ERC2: variants seen among roughly 807,000 people sequenced by gnomAD.
The protein encoded by ERC2 is ELKS/RAB6-interacting/CAST family member 2.
In ERC2, 42 loss-of-function variants were observed where a neutral mutation model predicts 114.8. The ratio of observed to expected loss-of-function variants is 0.37; its 90% CI spans 0.29 to 0.47. The LOEUF is 0.47. ERC2 is among the 20% of genes least tolerant of loss of function. ERC2 has a pLI of 0.99. For missense variants in ERC2, 939 were observed against 1,150.7 expected, an observed-to-expected ratio of 0.82 and a Z score of 2.66; for synonymous variants, 454 against 425.5, an observed-to-expected ratio of 1.07 and a Z score of -0.82.
intron 3 of ERC2, among the ~76,000 whole-genome samples, chr3:56,254,866 T>A (rs2052410894): frequency 6.6e-6 from 1 of 152,212 alleles, no homozygotes; most frequent in Non-Finnish European, 1.5e-5. Flanking sequence ...ATCTAACACC[T>A]GTTAAATAGT....
At chr3:56,337,668 C>T (rs1379873902) in intron 2 of ERC2, among the ~76,000 whole-genome samples, 2 of 152,148 alleles carry the variant, frequency 1.3e-5, no homozygotes, top group Non-Finnish European at 2.9e-5. Flanking sequence ...AATTGGCCAC[C>T]TTTTTTGGAA....
At chr3:56,397,258 A>G (rs1346798120) in intron 2 of ERC2, among the ~76,000 whole-genome samples, 3 of 152,074 alleles carry the variant, frequency 2.0e-5, no homozygotes, top group African/African-American at 7.2e-5. Context: ...CTGAGGCAAG[A>G]GAATCAGTTG....
chr3:55,610,878 A>G (rs1323874935), intron 17 of ERC2: 1 of 152,236 alleles, frequency 6.6e-6, no homozygotes, highest in Non-Finnish European at 1.5e-5. Flanking sequence ...AGGCATCTAT[A>G]TGGTGAGTTC....
chr3:55,528,470 T>A (rs963977739), intron 17 of ERC2, among the ~76,000 whole-genome samples: 1 of 152,206 alleles, frequency 6.6e-6, no homozygotes, highest in Non-Finnish European at 1.5e-5. Context: ...TGAGCTGCCA[T>A]TCGCTGAATA....
intron 17 of ERC2, among the ~76,000 whole-genome samples, chr3:55,585,225 A>G (rs1168929860): frequency 2.0e-5 from 3 of 152,216 alleles, no homozygotes; most frequent in African/African-American, 7.2e-5. Context: ...TGTGCTGTCA[A>G]CTAGGCAGCA....
chr3:55,705,667 T>C (rs1264123847), intron 15 of ERC2, among the ~76,000 whole-genome samples: 1 of 152,102 alleles, frequency 6.6e-6, no homozygotes, highest in African/African-American at 2.4e-5. Flanking sequence ...AGCACTGGTC[T>C]GATCTCCCCA....
At chr3:56,340,768 C>T (rs962351819) in intron 2 of ERC2, among the ~76,000 whole-genome samples, 1 of 152,070 alleles carries the variant, frequency 6.6e-6, no homozygotes, top group African/African-American at 2.4e-5. Flanking sequence ...AGACATCTTC[C>T]TTTATAGCTT....
At chr3:55,723,768 G>C (rs1012578730) in intron 15 of ERC2, among the ~76,000 whole-genome samples, 1 of 152,180 alleles carries the variant, frequency 6.6e-6, no homozygotes, top group East Asian at 1.9e-4. Flanking sequence ...GACAGACCTG[G>C]TGTGCACCAC....
At position 56,385,552 on chromosome 3, in the gene ERC2, G is replaced by A. The variant is rs1209872448; in HGVS notation, c.657+48799C>T. On this transcript the variant is annotated intron_variant, in intron 2 of 17. Transcript: ENST00000288221. Reference sequence around the variant, plus strand: ...CAACTAGTGGGTGAAAACGGAACATGATATGTGTTTCTTAAATGCCTTAAT... The same window carrying A: ...CAACTAGTGGGTGAAAACGGAACATAATATGTGTTTCTTAAATGCCTTAAT... 2.0e-5 allele frequency among the ~76,000 whole-genome samples: 3 copies of A among 152,144 alleles called. No homozygotes were observed. The East Asian group carries it at 5.8e-4, about 29-fold the overall frequency.
At chr3:56,116,030 A>C (rs1560198935) in intron 6 of ERC2, among the ~76,000 whole-genome samples, 1 of 152,118 alleles carries the variant, frequency 6.6e-6, no homozygotes, top group African/African-American at 2.4e-5. Flanking sequence ...AAACTGCTAT[A>C]AAGGCTCTTG....
At chr3:55,660,127 CT>C (rs1489192228) in intron 17 of ERC2, among the ~76,000 whole-genome samples, 1 of 148,392 alleles carries the variant, frequency 6.7e-6, no homozygotes, top group Non-Finnish European at 1.5e-5. Flanking sequence ...TGTTAAATGT[CT>C]GAACAATGTG....
chr3:55,888,261 G>T, intron 14 of ERC2, 128 bp downstream of exon 14: 1 of 1,093,782 alleles, frequency 9.1e-7, no homozygotes, highest in African/African-American at 1.6e-5. Flanking sequence ...TTTCAGAAAT[G>T]ACCAGGCAAG....
chr3:55,938,950 A>T (rs546660491), intron 13 of ERC2, among the ~76,000 whole-genome samples: 22 of 152,240 alleles, frequency 1.4e-4, no homozygotes, highest in South Asian at 1.0e-3. Context: ...CAATTTTTTT[A>T]AAAAAAATTT....
chr3:55,685,773 A>C (rs1009788659), intron 16 of ERC2, among the ~76,000 whole-genome samples: 3 of 152,214 alleles, frequency 2.0e-5, no homozygotes, highest in Admixed American at 2.0e-4. Flanking sequence ...AAAGTCACAA[A>C]GCAAAATAGG....
intron 12 of ERC2, chr3:55,955,275 T>A: frequency 7.2e-6 from 3 of 417,568 alleles, no homozygotes; most frequent in Non-Finnish European, 1.5e-5. Flanking sequence ...TGTGTGTGTG[T>A]GTGTGTGTGT....
At chr3:56,468,080 C>A (rs960836456) in intron 1 of ERC2, among the ~76,000 whole-genome samples, 168 bp downstream of exon 1, 2 of 145,626 alleles carry the variant, frequency 1.4e-5, no homozygotes, top group African/African-American at 2.5e-5. Flanking sequence ...TCCCTCCCCC[C>A]GCCCAAGAAA....
In ERC2 at chr3:56,439,577, A is replaced by T; in HGVS notation, c.-140-4430T>A. Among the ~76,000 whole-genome samples the T allele has an allele frequency of 1.3e-5, 2 of 152,116 alleles. 1 individual carries two copies. Among genetic ancestry groups the T allele is most frequent in the East Asian group, 3.8e-4 (2 of 5,200 alleles). On this transcript the variant is annotated intron_variant, in intron 1 of 17. Transcript: ENST00000288221. The stretch of plus-strand genomic sequence containing the variant: ...TTATCATTAAAACGTCCCTTCACAA[A>T]CAGTCTATTCCGTGTAGATTTTCCA...
At chr3:55,767,304 C>CT (rs1225336764) in intron 14 of ERC2, among the ~76,000 whole-genome samples, 2 of 152,178 alleles carry the variant, frequency 1.3e-5, no homozygotes, top group Non-Finnish European at 2.9e-5. Context: ...GTCACTACTA[C>CT]TTTTTTCCAT....
intron 3 of ERC2, among the ~76,000 whole-genome samples, chr3:56,294,816 T>C (rs1285220474): frequency 6.6e-6 from 1 of 152,190 alleles, no homozygotes; most frequent in Non-Finnish European, 1.5e-5. Context: ...GGAAGATGGA[T>C]GGGAAGACCA....
Sources: gnomAD v4.1 joint callset for allele counts (sites outside exome capture counted in the v4.1 genomes callset) on GRCh38, gnomAD v4.1.1 for gene constraint, MANE v1.5 for transcripts, NCBI Gene and HGNC (gene_info 2026-07-23, HGNC 2026-07-21) for gene names.